Variants in CFAP47 observed in about 807,000 individuals in gnomAD.
CFAP47 encodes the protein cilia- and flagella-associated protein 47.
A neutral mutation model predicts 148.1 loss-of-function variants in CFAP47; 29 were observed. The observed-to-expected ratio is 0.20, with a 90% CI of 0.15 to 0.27. The LOEUF (loss-of-function observed/expected upper bound fraction) is 0.27, where lower values mean the gene tolerates loss of function less well. Ranked by LOEUF, CFAP47 falls within the 10% of genes least tolerant of loss-of-function variation. The pLI is 1.00. For missense variants in CFAP47, 1,872 were observed against 1,697.5 expected (o/e 1.10, Z -1.81); for synonymous variants, 664 against 577.3 (o/e 1.15, Z -2.15).
chrX:36,244,086 T>A, intron 48 of CFAP47, among the ~76,000 whole-genome samples: 1 of 111,344 alleles, frequency 9.0e-6, no homozygotes, highest in East Asian at 2.8e-4. Flanking sequence ...AGAAGATTTC[T>A]CAAAACCACA....
intron 49 of CFAP47, among the ~76,000 whole-genome samples, chrX:36,274,486 A>G (rs6632549): frequency 0.35 from 38,994 of 110,557 alleles, 7,706 homozygotes; most frequent in African/African-American, 0.76. Context: ...TCATTTTACC[A>G]GGATATAAGC....
At chrX:36,363,832 A>C (rs1238117076) in intron 61 of CFAP47, among the ~76,000 whole-genome samples, 1 of 111,977 alleles carries the variant, frequency 8.9e-6, no homozygotes, top group Non-Finnish European at 1.9e-5. Context: ...AAAGAAATGC[A>C]GGAAAATTAT....
chrX:36,365,487 C>T (rs1370046830), intron 61 of CFAP47: 1 of 110,665 alleles, frequency 9.0e-6, no homozygotes, highest in African/African-American at 3.3e-5. Flanking sequence ...TGTTTTAAAA[C>T]CTTTTATTTT....
chrX:36,220,946 A>C (rs182010321), intron 45 of CFAP47, among the ~76,000 whole-genome samples: 1 of 112,112 alleles, frequency 8.9e-6, no homozygotes, highest in African/African-American at 3.2e-5. Context: ...AAAATTAACT[A>C]CCAGTCTAGA....
intron 51 of CFAP47, among the ~76,000 whole-genome samples, chrX:36,296,106 T>A (rs1941239730): frequency 9.0e-6 from 1 of 111,226 alleles, no homozygotes; most frequent in Admixed American, 9.7e-5. Context: ...TGAATAAGAG[T>A]GAAATGATCA....
At chrX:36,379,924 G>A (rs1437611730) in intron 63 of CFAP47, 1 of 111,551 alleles carries the variant, frequency 9.0e-6, no homozygotes, top group Non-Finnish European at 1.8e-5. Context: ...TTGGCAAGAT[G>A]TTGAAGTCTA....
At chrX:36,112,092 A>G (rs990119368) in intron 33 of CFAP47, among the ~76,000 whole-genome samples, 4 of 110,227 alleles carry the variant, frequency 3.6e-5, no homozygotes, top group Non-Finnish European at 7.6e-5. Context: ...TTGTGCCTCA[A>G]TCTCCTTCCT....
At chrX:36,013,201 G>T (rs1376192073) in intron 21 of CFAP47, among the ~76,000 whole-genome samples, 1 of 111,390 alleles carries the variant, frequency 9.0e-6, no homozygotes, top group Non-Finnish European at 1.9e-5. Context: ...TCTCTTTGAT[G>T]CAGACTCTGT....
intron 33 of CFAP47, among the ~76,000 whole-genome samples, chrX:36,129,131 G>A (rs775022414): frequency 2.5e-4 from 28 of 109,827 alleles, no homozygotes; most frequent in Non-Finnish European, 3.1e-4. Flanking sequence ...TTGTTTAATC[G>A]TTATAGGATT....
At chrX:36,163,875 G>T (rs1041480303) in intron 39 of CFAP47, among the ~76,000 whole-genome samples, 1 of 111,667 alleles carries the variant, frequency 9.0e-6, no homozygotes, top group African/African-American at 3.3e-5. Context: ...CTCCCAAAGT[G>T]CTGGAATTAC....
At chrX:35,924,421 A>G (rs1023431002) in intron 1 of CFAP47, among the ~76,000 whole-genome samples, 2 of 104,852 alleles carry the variant, frequency 1.9e-5, no homozygotes, top group Admixed American at 2.0e-4. Flanking sequence ...GTGTATATGC[A>G]CACATATGTG....
chrX:36,223,655 A>G (rs1940238239), intron 45 of CFAP47, among the ~76,000 whole-genome samples: 2 of 111,352 alleles, frequency 1.8e-5, no homozygotes, highest in Admixed American at 9.6e-5. Context: ...ATTATATTCT[A>G]TGAAGCCCCA....
intron 63 of CFAP47, chrX:36,379,737 G>A (rs1556023741): frequency 3.7e-5 from 12 of 328,390 alleles, no homozygotes; most frequent in Non-Finnish European, 5.4e-5. Context: ...CAACACTAGA[G>A]GAAAGTTAAA....
At chrX:36,302,588 G>C (rs902373700) in intron 53 of CFAP47, among the ~76,000 whole-genome samples, 1 of 111,798 alleles carries the variant, frequency 8.9e-6, no homozygotes, top group Non-Finnish European at 1.9e-5. Context: ...ACTGTACATA[G>C]ATAAAATTAT....
chrX:36,028,785 A>G (rs1336823235), intron 22 of CFAP47, among the ~76,000 whole-genome samples: 1 of 110,926 alleles, frequency 9.0e-6, no homozygotes, highest in Non-Finnish European at 1.9e-5. Context: ...GATTTTATCA[A>G]TGAGCAGGGA....
At chrX:36,353,400 C>T in intron 59 of CFAP47, 129 bp from the exon 60 acceptor site, 1 of 514,814 alleles carries the variant, frequency 1.9e-6, no homozygotes, top group Non-Finnish European at 3.2e-6. Flanking sequence ...TGTATGTGGC[C>T]AGATACAATG....
chrX:36,146,843 C>T (rs778158390), intron 36 of CFAP47, among the ~76,000 whole-genome samples: 46 of 104,159 alleles, frequency 4.4e-4, no homozygotes, highest in Non-Finnish European at 7.2e-4. Context: ...TGCAGTGGCA[C>T]GATCTCGGCT....
chrX:36,180,399 C>G (rs1367035978), intron 40 of CFAP47, among the ~76,000 whole-genome samples: 1 of 111,536 alleles, frequency 9.0e-6, no homozygotes, highest in African/African-American at 3.3e-5. Flanking sequence ...AAATGCATGC[C>G]TATGTTGACC....
intron 35 of CFAP47, among the ~76,000 whole-genome samples, chrX:36,138,998 C>T (rs1419652265): frequency 9.0e-6 from 1 of 110,917 alleles, no homozygotes; most frequent in Non-Finnish European, 1.9e-5. Flanking sequence ...TTTTATGAGC[C>T]TTTTGTTTGT....
Sources: allele counts gnomAD v4.1 joint callset (sites outside exome capture counted in the v4.1 genomes callset), GRCh38; gene constraint gnomAD v4.1.1; transcripts MANE v1.5; gene names NCBI Gene and HGNC (gene_info 2026-07-23, HGNC 2026-07-21).